GBE1: variants seen among roughly 807,000 people sequenced by gnomAD.
GBE1 encodes the protein 1,4-alpha-glucan branching enzyme 1, also known as 1,4-alpha-glucan-branching enzyme.
A neutral mutation model predicts 88.8 loss-of-function variants in GBE1; 70 were observed. The ratio of observed to expected loss-of-function variants is 0.79; its 90% CI spans 0.65 to 0.96. The LOEUF (loss-of-function observed/expected upper bound fraction) is 0.96, where lower values mean the gene tolerates loss of function less well. Among genes scored for constraint, GBE1 ranks in the 40% least tolerant of loss-of-function variants. GBE1 has a pLI of 0.00. For missense variants in GBE1, 872 were observed against 871.0 expected (o/e 1.00, Z -0.01); for synonymous variants, 284 against 300.1 (o/e 0.95, Z 0.56).
chr3:81,645,654 C>T (rs1457098652), intron 6 of GBE1, among the ~76,000 whole-genome samples: 3 of 152,136 alleles, frequency 2.0e-5, no homozygotes, highest in South Asian at 2.1e-4. Context: ...CACCTATTTA[C>T]GCCCACTTCA....
intron 10 of GBE1, among the ~76,000 whole-genome samples, chr3:81,583,312 A>C (rs1160054999): frequency 1.3e-5 from 2 of 152,148 alleles, no homozygotes; most frequent in Non-Finnish European, 2.9e-5. Flanking sequence ...ACAGTTTAGC[A>C]GTTTCTTAAA....
chr3:81,593,200 TA>T (rs1329542053), intron 8 of GBE1, among the ~76,000 whole-genome samples: 1 of 151,496 alleles, frequency 6.6e-6, no homozygotes, highest in African/African-American at 2.4e-5. Context: ...CCGTCTCTAT[TA>T]AAAAAATACA....
In GBE1 at chr3:81,752,493, G is replaced by C. The variant is rs529965496; in HGVS notation, c.143+8882C>G. On this transcript the variant is annotated intron_variant, in intron 1 of 15. Coordinates refer to ENST00000429644, the MANE Select transcript of GBE1 (RefSeq NM_000158.4). Reference sequence around the variant, plus strand: ...GCAGTCAGATGAAAGAAAAGAAAAAGACAGAAAAGGAAGATCAAGAGAACA... The same window carrying C: ...GCAGTCAGATGAAAGAAAAGAAAAACACAGAAAAGGAAGATCAAGAGAACA... 2.6e-5 allele frequency among the ~76,000 whole-genome samples: 4 copies of C among 152,198 alleles called. No individual in the cohort carries two copies. The East Asian group carries it at 7.7e-4, about 29-fold the overall frequency.
intron 5 of GBE1, 142 bp downstream of exon 5, chr3:81,648,714 T>G: frequency 2.2e-6 from 1 of 462,034 alleles, no homozygotes; most frequent in Non-Finnish European, 3.7e-6. Context: ...TACAGGGCAA[T>G]TTGAGAAGCC....
chr3:81,696,568 T>C (rs1007322859), intron 2 of GBE1, among the ~76,000 whole-genome samples: 1 of 152,176 alleles, frequency 6.6e-6, no homozygotes, highest in African/African-American at 2.4e-5. Context: ...TAAGAAAACA[T>C]CTAACTTGAT....
chr3:81,557,935 T>C (rs949710341), intron 12 of GBE1, among the ~76,000 whole-genome samples: 4 of 151,988 alleles, frequency 2.6e-5, no homozygotes, highest in South Asian at 4.2e-4. Context: ...GTTCAGGTAG[T>C]GGGTGCAGAG....
At chr3:81,498,010 G>C (rs1189776637) in intron 15 of GBE1, among the ~76,000 whole-genome samples, 3 of 151,956 alleles carry the variant, frequency 2.0e-5, no homozygotes, top group African/African-American at 7.3e-5. Context: ...TATATCTAAA[G>C]CTGTATCAGT....
rs1706497042 is a variant in GBE1, at chr3:81,750,593, A to ACG, written c.143+10781_143+10782insCG. On this transcript the variant is annotated intron_variant, in intron 1 of 15. Coordinates refer to ENST00000429644, the MANE Select transcript of GBE1 (RefSeq NM_000158.4). ...TATATATACGTATATATATACGTATATATATATGTGTATATATATATATGT... is the reference window on the plus strand; with the variant it reads ...TATATATACGTATATATATACGTATACGTATATATGTGTATATATATATATGT... Among the ~76,000 whole-genome samples the ACG allele has an allele frequency of 3.3e-5, 2 of 60,454 alleles. 1 individual carries two copies. The highest frequency in any genetic ancestry group is 1.7e-4 in the African/African-American group (2 of 11,536). The allele number at this position is 60,454 out of a possible 152,430, so 39.7% of individuals were successfully genotyped here. A position where few individuals can be genotyped will look rare whatever the true frequency, so the allele number is the denominator to read the frequency against.
chr3:81,725,358 G>T (rs962354101), intron 1 of GBE1, among the ~76,000 whole-genome samples: 3 of 151,822 alleles, frequency 2.0e-5, no homozygotes, highest in Non-Finnish European at 4.4e-5. Context: ...CCTACCCCGG[G>T]TCAGGATTAT....
intron 11 of GBE1, among the ~76,000 whole-genome samples, chr3:81,578,422 T>C (rs1703678054): frequency 6.6e-6 from 1 of 151,820 alleles, no homozygotes; most frequent in Non-Finnish European, 1.5e-5. Context: ...TATTATAATG[T>C]TGAGAATATT....
chr3:81,645,592 A>G (rs1314951548), intron 6 of GBE1, among the ~76,000 whole-genome samples: 1 of 152,202 alleles, frequency 6.6e-6, no homozygotes, highest in Non-Finnish European at 1.5e-5. Flanking sequence ...GGGAGAACTA[A>G]TATAAAGAGA....
intron 3 of GBE1, among the ~76,000 whole-genome samples, chr3:81,659,100 T>C (rs1262777297): frequency 6.6e-6 from 1 of 151,884 alleles, no homozygotes; most frequent in African/African-American, 2.4e-5. Flanking sequence ...GACTCATCCA[T>C]GTGCAGTGAA....
intron 1 of GBE1, among the ~76,000 whole-genome samples, chr3:81,708,814 A>G (rs899622314): frequency 2.0e-5 from 3 of 152,192 alleles, no homozygotes; most frequent in Non-Finnish European, 4.4e-5. Context: ...CAAATAATAA[A>G]TTATATGACA....
rs61048893 is a variant in GBE1 at position 81,573,775 on chromosome 3, C to CTG, written c.1618+4148_1618+4149dup. 7.5e-3 allele frequency among the ~76,000 whole-genome samples: 1,116 copies of CTG among 148,880 alleles called. 9 individuals are homozygous for CTG. The highest frequency in any genetic ancestry group is 0.014 in the Admixed American group (214 of 14,904). On this transcript the variant is annotated intron_variant, in intron 12 of 15. Coordinates refer to ENST00000429644, the MANE Select transcript of GBE1 (RefSeq NM_000158.4). Reference sequence around the variant, plus strand: ...GCCTTCTCTCTCTCTCTCTCTCTCTCTGTGTGTGTGTGTGTGTGTGTGTAG... The same window carrying CTG: ...GCCTTCTCTCTCTCTCTCTCTCTCTCTGTGTGTGTGTGTGTGTGTGTGTGTAG...
At chr3:81,737,302 AATATATATTTATATATATTT>A (rs1435063981) in intron 1 of GBE1, among the ~76,000 whole-genome samples, 1 of 132,280 alleles carries the variant, frequency 7.6e-6, no homozygotes, top group Non-Finnish European at 1.6e-5. Flanking sequence ...TATTTATATA[AATATATATTTATATATATTT>A]ATATATATTT....
At chr3:81,688,392 A>G (rs1705470417) in intron 2 of GBE1, among the ~76,000 whole-genome samples, 1 of 152,238 alleles carries the variant, frequency 6.6e-6, no homozygotes, top group Non-Finnish European at 1.5e-5. Context: ...CTAACACAGA[A>G]TCACCCACAG....
intron 7 of GBE1, among the ~76,000 whole-genome samples, chr3:81,621,918 C>A (rs1237638892): frequency 6.6e-6 from 1 of 152,138 alleles, no homozygotes; most frequent in South Asian, 2.1e-4. Flanking sequence ...ATCAAATCTA[C>A]CTCTTTCCCT....
At chr3:81,580,901 T>C (rs1054475985) in intron 11 of GBE1, among the ~76,000 whole-genome samples, 5 of 152,094 alleles carry the variant, frequency 3.3e-5, no homozygotes, top group African/African-American at 1.2e-4. Flanking sequence ...CTGCAATGTA[T>C]AATCTATTAA....
chr3:81,548,734 T>C lies in GBE1; in HGVS notation c.1619-11639A>G, dbSNP rs1222345116. Among the ~76,000 whole-genome samples the C allele has an allele frequency of 1.3e-5, 2 of 150,908 alleles. 1 individual carries two copies. ...GGTTTCTGATTACTTTGAATAACTT[T>C]GGAATAGAGAAAAAACATTAAGGAC... On this transcript the variant is annotated intron_variant, in intron 12 of 15. Coordinates refer to ENST00000429644, the MANE Select transcript of GBE1 (RefSeq NM_000158.4).
Sources: allele counts gnomAD v4.1 joint callset (sites outside exome capture counted in the v4.1 genomes callset), GRCh38; gene constraint gnomAD v4.1.1; transcripts MANE v1.5; gene names NCBI Gene and HGNC (gene_info 2026-07-23, HGNC 2026-07-21).